Variants in DMD observed in about 807,000 individuals in gnomAD.
DMD encodes mutant dystrophin.
DMD carries 63 observed loss-of-function variants against 330.1 expected under a neutral mutation model. The ratio of observed to expected loss-of-function variants is 0.19; its 90% CI spans 0.16 to 0.24. The LOEUF (loss-of-function observed/expected upper bound fraction) is 0.24, where lower values mean the gene tolerates loss of function less well. DMD is among the 10% of genes least tolerant of loss of function. The pLI is 1.00. For synonymous variants in DMD, 1,223 were observed against 959.8 expected (o/e 1.27, Z -5.07); for missense variants, 3,344 against 2,684.1 (o/e 1.25, Z -5.43).
chrX:32,440,582 T>C (rs765264185), intron 28 of DMD, among the ~76,000 whole-genome samples: 1 of 111,623 alleles, frequency 9.0e-6, no homozygotes, highest in East Asian at 2.8e-4. Context: ...CTAAAATGCA[T>C]AGAGCTTGAA....
chrX:31,162,356 T>A (rs1306142942), intron 74 of DMD, among the ~76,000 whole-genome samples: 34 of 50,599 alleles, frequency 6.7e-4, no homozygotes, highest in South Asian at 1.9e-3. Context: ...ATGAAAAATC[T>A]AAAAAAAAAA....
intron 1 of DMD, among the ~76,000 whole-genome samples, chrX:33,174,566 A>T (rs749648520): frequency 2.4e-4 from 27 of 111,553 alleles, no homozygotes; most frequent in Non-Finnish European, 3.4e-4. Flanking sequence ...CAGATGAACA[A>T]TCCAGATATA....
intron 7 of DMD, among the ~76,000 whole-genome samples, chrX:32,791,626 G>C (rs1180056395): frequency 8.9e-6 from 1 of 111,836 alleles, no homozygotes; most frequent in Admixed American, 9.5e-5. Context: ...GAGGAGACTA[G>C]ATAAAACAGA....
intron 52 of DMD, among the ~76,000 whole-genome samples, chrX:31,685,971 C>T (rs1322788032): frequency 1.8e-5 from 2 of 111,678 alleles, no homozygotes; most frequent in Non-Finnish European, 3.8e-5. Context: ...TAATTATTGG[C>T]TTCTTTCATT....
intron 56 of DMD, among the ~76,000 whole-genome samples, chrX:31,504,291 T>C (rs1050860918): frequency 9.0e-6 from 1 of 111,726 alleles, no homozygotes; most frequent in African/African-American, 3.2e-5. Flanking sequence ...TGGACTTGTA[T>C]TTGGAAGCAC....
chrX:32,083,272 C>CTT (rs56029341), intron 44 of DMD, among the ~76,000 whole-genome samples: 31 of 102,915 alleles, frequency 3.0e-4, no homozygotes, highest in East Asian at 9.3e-4. Flanking sequence ...AATAAAAAAT[C>CTT]TTTTTTTTTT....
At chrX:31,225,157 G>A (rs2046454865) in intron 63 of DMD, among the ~76,000 whole-genome samples, 1 of 112,501 alleles carries the variant, frequency 8.9e-6, no homozygotes, top group African/African-American at 3.2e-5. Context: ...AATTTTAAGA[G>A]TCTTTAAAAA....
chrX:32,663,421 T>A (rs2147110724), intron 9 of DMD, among the ~76,000 whole-genome samples: 1 of 112,166 alleles, frequency 8.9e-6, no homozygotes, highest in Non-Finnish European at 1.9e-5. Flanking sequence ...TTCAAATAGA[T>A]AATTTTTTAC....
chrX:32,441,086 G>A, intron 28 of DMD, 94 bp downstream of exon 28: 1 of 948,245 alleles, frequency 1.1e-6, no homozygotes, highest in Non-Finnish European at 1.5e-6. Flanking sequence ...ATACTCTCTT[G>A]GGTTGTTTTC....
chrX:32,511,524 G>GAAAAAAAA (rs67754841), intron 18 of DMD, among the ~76,000 whole-genome samples: 1 of 49,785 alleles, frequency 2.0e-5, no homozygotes, highest in African/African-American at 7.8e-5. Context: ...TCCGTCTCGG[G>GAAAAAAAA]AAAAAAAAAA....
At chrX:31,270,167 G>C (rs1368735818) in intron 62 of DMD, among the ~76,000 whole-genome samples, 1 of 100,056 alleles carries the variant, frequency 1.0e-5, no homozygotes, top group African/African-American at 3.5e-5. Context: ...TATCCCTTTG[G>C]GCAAAAGTTT....
intron 44 of DMD, among the ~76,000 whole-genome samples, chrX:32,117,582 C>A (rs1328748057): frequency 8.9e-6 from 1 of 111,776 alleles, no homozygotes; most frequent in Non-Finnish European, 1.9e-5. Flanking sequence ...CCCTTCCAAC[C>A]TCTTCGAGCT....
intron 2 of DMD, among the ~76,000 whole-genome samples, chrX:32,986,011 G>A (rs2092834791): frequency 9.0e-6 from 1 of 111,295 alleles, no homozygotes; most frequent in South Asian, 3.8e-4. Flanking sequence ...ATTAAAATAA[G>A]TATTATACTT....
intron 1 of DMD, among the ~76,000 whole-genome samples, chrX:33,273,526 C>T (rs770769498): frequency 2.4e-4 from 27 of 112,053 alleles, no homozygotes; most frequent in Non-Finnish European, 4.0e-4. Flanking sequence ...TAATCTAATC[C>T]GGTTCTTGAC....
At chrX:33,088,196 C>T (rs1245564874) in intron 1 of DMD, among the ~76,000 whole-genome samples, 2 of 110,931 alleles carry the variant, frequency 1.8e-5, no homozygotes, top group African/African-American at 6.6e-5. Context: ...GTTGTGATTA[C>T]AGGCATGCAG....
At chrX:33,247,675 CACTA>C (rs751823094) in intron 1 of DMD, among the ~76,000 whole-genome samples, 10 of 111,720 alleles carry the variant, frequency 9.0e-5, no homozygotes, top group East Asian at 2.8e-4. Context: ...AAGTTATTTG[CACTA>C]ACTACTTGTG....
intron 7 of DMD, among the ~76,000 whole-genome samples, chrX:32,809,020 C>A (rs1169063724): frequency 9.0e-6 from 1 of 111,617 alleles, no homozygotes; most frequent in Non-Finnish European, 1.9e-5. Flanking sequence ...GAGGATCTCC[C>A]CAGAGTGAAA....
At chrX:31,682,889 T>C (rs1190627118) in intron 52 of DMD, among the ~76,000 whole-genome samples, 3 of 112,234 alleles carry the variant, frequency 2.7e-5, no homozygotes. Flanking sequence ...AGGCCATCTC[T>C]AGATATTAGG....
chrX:33,083,286 G>C (rs374450575), intron 1 of DMD, among the ~76,000 whole-genome samples: 2 of 112,277 alleles, frequency 1.8e-5, no homozygotes, highest in South Asian at 7.4e-4. Context: ...TGCCCAACGG[G>C]CTGCATGGGG....
Sources: gnomAD v4.1 joint callset for allele counts (sites outside exome capture counted in the v4.1 genomes callset) on GRCh38, gnomAD v4.1.1 for gene constraint, MANE v1.5 for transcripts, NCBI Gene and HGNC (gene_info 2026-07-23, HGNC 2026-07-21) for gene names.